The following SEC24B variants were observed in gnomAD, a reference collection of about 807,000 sequenced individuals.
The protein encoded by SEC24B is protein transport protein Sec24B.
SEC24B carries 45 observed loss-of-function variants against 142.8 expected under a neutral mutation model. That is an observed-to-expected ratio of 0.32 (90% CI 0.25 to 0.40). The LOEUF (loss-of-function observed/expected upper bound fraction) is 0.40. Ranked by LOEUF, SEC24B falls within the 10% of genes least tolerant of loss-of-function variation. The pLI is 1.00. For synonymous variants in SEC24B, 574 were observed against 568.2 expected (o/e 1.01, Z -0.15); for missense variants, 1,409 against 1,526.8 (o/e 0.92, Z 1.29).
At chr4:109,486,557 C>CTG (rs1256092644) in intron 4 of SEC24B, among the ~76,000 whole-genome samples, 1 of 152,120 alleles carries the variant, frequency 6.6e-6, no homozygotes, top group East Asian at 1.9e-4. Context: ...TTCTTTCAAG[C>CTG]TGTAACATAG....
At chr4:109,477,571 C>T (rs1475386961) in intron 3 of SEC24B, among the ~76,000 whole-genome samples, 1 of 151,910 alleles carries the variant, frequency 6.6e-6, no homozygotes, top group Non-Finnish European at 1.5e-5. Flanking sequence ...AGTGATTATC[C>T]CACCTTGGCC....
chr4:109,456,113 T>G (rs1428968191), intron 1 of SEC24B, among the ~76,000 whole-genome samples: 1 of 152,150 alleles, frequency 6.6e-6, no homozygotes, highest in African/African-American at 2.4e-5. Context: ...GATTTACATC[T>G]AAGTACTTCT....
intron 10 of SEC24B, among the ~76,000 whole-genome samples, chr4:109,515,748 T>C (rs1014746350): frequency 5.3e-5 from 8 of 152,112 alleles, no homozygotes; most frequent in African/African-American, 1.9e-4. Context: ...TTTCAAAGAA[T>C]GTATTTAAAG....
intron 3 of SEC24B, among the ~76,000 whole-genome samples, chr4:109,474,187 CA>C (rs1299371381): frequency 6.6e-6 from 1 of 152,132 alleles, no homozygotes; most frequent in Non-Finnish European, 1.5e-5. Context: ...CTCAACAAAC[CA>C]GTGGGTATAC....
Position 109,463,662 on chromosome 4 carries a change from T to C in SEC24B, c.877+18T>C. The C allele has an allele frequency of 6.3e-7, 1 of 1,599,508 alleles. No individual in the cohort carries two copies. Among genetic ancestry groups the C allele is most frequent in the Non-Finnish European group, 8.5e-7 (1 of 1,170,892 alleles). On this transcript the variant is annotated intron_variant, in intron 2 of 23. Transcript: ENST00000265175. ...CATTACTGGTAGGTTGAATGAAAAG[T>C]TCACCAAAACATGTTTGAAAATCAG...
At chr4:109,461,417 A>G (rs1731244502) in intron 1 of SEC24B, among the ~76,000 whole-genome samples, 1 of 152,212 alleles carries the variant, frequency 6.6e-6, no homozygotes, top group Admixed American at 6.5e-5. Context: ...CCTCATAAAT[A>G]TAGATTAGTT....
chr4:109,440,650 A>C (rs920653400), intron 1 of SEC24B, among the ~76,000 whole-genome samples: 3 of 152,218 alleles, frequency 2.0e-5, no homozygotes, highest in Non-Finnish European at 4.4e-5. Context: ...ATAAGGTACT[A>C]TTTTTAAAGT....
chr4:109,435,861 G>A (rs1477928008), intron 1 of SEC24B, among the ~76,000 whole-genome samples: 1 of 152,156 alleles, frequency 6.6e-6, no homozygotes, highest in Non-Finnish European at 1.5e-5. Context: ...GTTCTGGCTA[G>A]CCTTGAGGGA....
At chr4:109,454,796 T>C (rs1436063002) in intron 1 of SEC24B, among the ~76,000 whole-genome samples, 3 of 152,310 alleles carry the variant, frequency 2.0e-5, no homozygotes, top group Admixed American at 1.3e-4. Context: ...GTGTAAAAAC[T>C]GGCCTTAAAG....
intron 3 of SEC24B, among the ~76,000 whole-genome samples, chr4:109,475,477 A>G (rs950684631): frequency 6.6e-5 from 10 of 152,230 alleles, no homozygotes; most frequent in Non-Finnish European, 8.8e-5. Context: ...TTGTTCTCCC[A>G]AGACTAAGCA....
At chr4:109,522,838 A>G (rs957111669) in intron 14 of SEC24B, among the ~76,000 whole-genome samples, 9 of 152,194 alleles carry the variant, frequency 5.9e-5, no homozygotes, top group African/African-American at 2.2e-4. Context: ...GAGAAAGTAA[A>G]TGTGAAAGTA....
chr4:109,455,719 C>T (rs2125918134), intron 1 of SEC24B, among the ~76,000 whole-genome samples: 1 of 152,258 alleles, frequency 6.6e-6, no homozygotes, highest in Middle Eastern at 3.4e-3. Flanking sequence ...TTTTATGGGT[C>T]TGTTTCTAGA....
chr4:109,523,181 CAAT>C (rs1216066089), intron 14 of SEC24B, among the ~76,000 whole-genome samples: 1 of 151,972 alleles, frequency 6.6e-6, no homozygotes, highest in Non-Finnish European at 1.5e-5. Context: ...TAAAAAATAA[CAAT>C]AATGGCCGGG....
intron 22 of SEC24B, among the ~76,000 whole-genome samples, chr4:109,536,239 T>C (rs980806923): frequency 1.3e-5 from 2 of 152,132 alleles, no homozygotes; most frequent in African/African-American, 4.8e-5. Context: ...CTGTAGTTAT[T>C]TAAGTACCAT....
intron 11 of SEC24B, among the ~76,000 whole-genome samples, chr4:109,518,236 G>T (rs980024394): frequency 6.6e-6 from 1 of 152,092 alleles, no homozygotes; most frequent in Non-Finnish European, 1.5e-5. Flanking sequence ...TCCCTCCTCT[G>T]TGTCTACCAA....
chr4:109,533,667 A>C lies in SEC24B; in HGVS notation c.3570A>C (p.Ala1190=). Reference sequence around the variant, plus strand: ...ATGTGCTTGGATATACTAATTTTGCATCAATACCACAGAAAATGGTCAGTA... The same window carrying C: ...ATGTGCTTGGATATACTAATTTTGCCTCAATACCACAGAAAATGGTCAGTA... ...IEDVLGYTNF[A]SIPQKMTHLP... is the part of the protein sequence containing the mutation. Residue 1190 remains alanine (A), a synonymous_variant, in exon 22 of 24, where the codon GCA becomes GCC. Transcript: ENST00000265175. The C allele has an allele frequency of 3.1e-6, 5 of 1,601,134 alleles. No homozygotes were observed. Among genetic ancestry groups the C allele is most frequent in the Non-Finnish European group, 4.3e-6 (5 of 1,172,374 alleles).
intron 10 of SEC24B, among the ~76,000 whole-genome samples, chr4:109,515,905 C>T (rs1272842055): frequency 7.0e-6 from 1 of 143,652 alleles, no homozygotes; most frequent in African/African-American, 2.5e-5. Context: ...AAAATTAGCT[C>T]TGCGTGGAGG....
chr4:109,472,190 A>T (rs1395156198), intron 2 of SEC24B, among the ~76,000 whole-genome samples: 1 of 152,214 alleles, frequency 6.6e-6, no homozygotes, highest in Non-Finnish European at 1.5e-5. Context: ...ATAGACACAC[A>T]TACATACATG....
At chr4:109,452,936 ATTTCACGTAGGTTCT>A (rs1460724859) in intron 1 of SEC24B, among the ~76,000 whole-genome samples, 1 of 152,116 alleles carries the variant, frequency 6.6e-6, no homozygotes, top group African/African-American at 2.4e-5. Flanking sequence ...ATTCAACGTT[ATTTCACGTAGGTTCT>A]TTTCTGTTTC....
Sources: allele counts gnomAD v4.1 joint callset (sites outside exome capture counted in the v4.1 genomes callset), GRCh38; gene constraint gnomAD v4.1.1; transcripts MANE v1.5; gene names NCBI Gene and HGNC (gene_info 2026-07-23, HGNC 2026-07-21).